ZFHX4: variants seen among roughly 807,000 people sequenced by gnomAD.
ZFHX4 encodes the protein zinc finger homeobox 4.
Under a neutral mutation model 267.6 loss-of-function variants are expected in ZFHX4, and 56 were observed. That is an observed-to-expected ratio of 0.21 (90% CI 0.17 to 0.26). The LOEUF (loss-of-function observed/expected upper bound fraction) is 0.26. Ranked by LOEUF, ZFHX4 falls within the 10% of genes least tolerant of loss-of-function variation. The probability of loss-of-function intolerance (pLI) is 1.00; values close to 1 mark genes in which losing one functional copy is unlikely to be tolerated. For synonymous variants in ZFHX4, 1,778 were observed against 1,665.6 expected, an observed-to-expected ratio of 1.07 and a Z score of -1.64; for missense variants, 4,332 against 4,420.0, an observed-to-expected ratio of 0.98 and a Z score of 0.56.
At position 76,855,314 on chromosome 8, in the gene ZFHX4, C is replaced by A. The variant is rs750054837; in HGVS notation, c.8393C>A (p.Thr2798Asn). The change falls in exon 10 of 11, where the codon ACC (threonine) becomes AAC (asparagine). Residue 2798 changes from threonine to asparagine, a missense_variant. Physicochemically the swap from Thr to Asn is moderately conservative, Grantham distance 65. Transcript: ENST00000651372. ...GAGGCTGGGTATGATCAAAATAAAA[C>A]CGATTTTGATGAGACTTCATCGATT... is the stretch of plus-strand genomic sequence containing the variant. The part of the protein sequence containing the change: ...PAEAGYDQNK[T>N]DFDETSSINT... 8 of 1,613,686 alleles carry A rather than the reference C, an allele frequency of 5.0e-6. No homozygotes were observed. The highest frequency in any genetic ancestry group is 5.9e-6 in the Non-Finnish European group (7 of 1,179,812).
chr8:76,864,510 CT>C lies in ZFHX4; in HGVS notation c.10798del (p.Ser3600LeufsTer3), dbSNP rs1315761422. ...DNSLEVKAKP[A>X]SGLDGNFNSI... ...TCTTTGGAAGTGAAGGCTAAGCCTGCTTCTGGCCTAGATGGTAATTTCAATA... is the reference window on the plus strand; with the variant it reads ...TCTTTGGAAGTGAAGGCTAAGCCTGCTCTGGCCTAGATGGTAATTTCAATA... On this transcript the variant is annotated frameshift_variant, in exon 11 of 11. Transcript: ENST00000651372. LOFTEE classifies it high-confidence loss of function. 1 of 1,612,626 alleles carries C rather than the reference CT, an allele frequency of 6.2e-7. No individual in the cohort carries two copies. Among genetic ancestry groups the C allele is most frequent in the African/African-American group, 1.3e-5 (1 of 74,950 alleles).
rs142176871 is a variant in ZFHX4, at chr8:76,753,910, G to A, written c.3094-24298G>A. On this transcript the variant is annotated intron_variant, in intron 3 of 10. Transcript: ENST00000651372. ...CCCAAAGTTTTGGGATCACCGGCAT[G>A]AGCCACTGCATCCAGCCAACATTTT... 1.1e-3 allele frequency among the ~76,000 whole-genome samples: 172 copies of A among 151,056 alleles called. 3 individuals carry two copies. In the East Asian group the frequency reaches 0.023, roughly 20 times the overall value.
At chr8:76,719,474 A>G (rs544196919) in intron 3 of ZFHX4, among the ~76,000 whole-genome samples, 114 of 152,220 alleles carry the variant, frequency 7.5e-4, no homozygotes, top group Non-Finnish European at 1.4e-3. Flanking sequence ...AGTTTCTCCA[A>G]AAAGCAAATG....
At chr8:76,839,412 A>G (rs577693253) in intron 5 of ZFHX4, among the ~76,000 whole-genome samples, 1 of 152,140 alleles carries the variant, frequency 6.6e-6, no homozygotes, top group Non-Finnish European at 1.5e-5. Flanking sequence ...AAACATGTAA[A>G]AATGAATATG....
At chr8:76,821,170 C>T (rs546985496) in intron 4 of ZFHX4, among the ~76,000 whole-genome samples, 2 of 152,254 alleles carry the variant, frequency 1.3e-5, no homozygotes, top group East Asian at 3.9e-4. Context: ...TCACTCTCTT[C>T]TGCATTATTA....
chr8:76,786,323 T>C (rs1233607524), intron 4 of ZFHX4, among the ~76,000 whole-genome samples: 3 of 151,432 alleles, frequency 2.0e-5, no homozygotes, highest in Non-Finnish European at 4.4e-5. Flanking sequence ...TAGCTATCAG[T>C]TCTCATCTGG....
At chr8:76,719,586 A>G (rs1808666498) in intron 3 of ZFHX4, among the ~76,000 whole-genome samples, 1 of 152,054 alleles carries the variant, frequency 6.6e-6, no homozygotes, top group Non-Finnish European at 1.5e-5. Flanking sequence ...AGGCTTTAGT[A>G]CTAAGTATTT....
intron 4 of ZFHX4, among the ~76,000 whole-genome samples, chr8:76,820,909 A>G (rs1811632028): frequency 6.6e-6 from 1 of 152,200 alleles, no homozygotes; most frequent in Non-Finnish European, 1.5e-5. Flanking sequence ...ATTATATGCT[A>G]AAACCAGATG....
At chr8:76,784,540 T>C (rs565075404) in intron 4 of ZFHX4, among the ~76,000 whole-genome samples, 2 of 152,096 alleles carry the variant, frequency 1.3e-5, no homozygotes, top group South Asian at 4.1e-4. Context: ...ATTTTCTTTT[T>C]CTCCTCACAC....
intron 3 of ZFHX4, among the ~76,000 whole-genome samples, chr8:76,770,919 T>C (rs1427671640): frequency 2.6e-5 from 4 of 152,064 alleles, no homozygotes; most frequent in African/African-American, 4.8e-5. Flanking sequence ...AAAGTTAGAA[T>C]TGGGTTGAAG....
chr8:76,734,382 A>G (rs904022866), intron 3 of ZFHX4, among the ~76,000 whole-genome samples: 4 of 152,170 alleles, frequency 2.6e-5, no homozygotes, highest in African/African-American at 9.6e-5. Context: ...CATTAAAAGT[A>G]ATTCCCACAC....
intron 4 of ZFHX4, among the ~76,000 whole-genome samples, chr8:76,806,612 G>C (rs2054681): frequency 0.017 from 2,512 of 152,074 alleles, 27 homozygotes; most frequent in Middle Eastern, 0.031. Flanking sequence ...ATAATTGGAA[G>C]TTTATAACTT....
At position 76,704,954 on chromosome 8, in the gene ZFHX4, A is replaced by G. The variant is rs369925965; in HGVS notation, c.866A>G (p.Tyr289Cys). ...MCFLCKLSFG[Y>C]IRSFVTHAVH... The stretch of plus-strand genomic sequence containing the variant: ...TTCTTGTGCAAGTTGTCTTTTGGTT[A>G]TATCAGGTCATTTGTAACCCATGCT... The change falls in exon 2 of 11, where the codon TAT (tyrosine) becomes TGT (cysteine). Residue 289 changes from tyrosine (Y) to cysteine (C), a missense_variant. Tyr to Cys is a radical substitution (Grantham distance 194). Transcript: ENST00000651372. 1.1e-5 allele frequency: 17 copies of G among 1,613,910 alleles called. No individual in the cohort carries two copies. The highest frequency in any genetic ancestry group is 3.3e-5 in the Admixed American group (2 of 60,008).
At chr8:76,779,744 G>T (rs1563517845) in intron 4 of ZFHX4, among the ~76,000 whole-genome samples, 2 of 151,996 alleles carry the variant, frequency 1.3e-5, no homozygotes, top group African/African-American at 4.8e-5. Context: ...GTGGCGTAAG[G>T]GGGTCTGGCA....
At chr8:76,838,830 G>A (rs549053003) in intron 5 of ZFHX4, among the ~76,000 whole-genome samples, 21 of 152,128 alleles carry the variant, frequency 1.4e-4, no homozygotes, top group South Asian at 1.0e-3. Context: ...CTGAGTTGGC[G>A]GATCACTTGA....
At chr8:76,743,236 A>G (rs572538377) in intron 3 of ZFHX4, among the ~76,000 whole-genome samples, 1 of 152,274 alleles carries the variant, frequency 6.6e-6, no homozygotes, top group Admixed American at 6.5e-5. Flanking sequence ...TGTATCTCTT[A>G]TGAGGTTCTA....
chr8:76,788,408 A>G (rs528796666), intron 4 of ZFHX4, among the ~76,000 whole-genome samples: 53 of 152,332 alleles, frequency 3.5e-4, no homozygotes, highest in Non-Finnish European at 5.3e-4. Context: ...AGAACTTAGC[A>G]TTCAGTTACA....
At chr8:76,702,866 C>T (rs1680880494) in intron 1 of ZFHX4, among the ~76,000 whole-genome samples, 1 of 152,022 alleles carries the variant, frequency 6.6e-6, no homozygotes, top group Non-Finnish European at 1.5e-5. Flanking sequence ...TTGTTGTGTA[C>T]AGTGCCATCA....
At chr8:76,713,567 T>C (rs941249769) in intron 3 of ZFHX4, among the ~76,000 whole-genome samples, 2 of 152,162 alleles carry the variant, frequency 1.3e-5, no homozygotes, top group African/African-American at 4.8e-5. Flanking sequence ...CTCTTTTCTG[T>C]TTTCCTGAAA....
Sources: allele counts gnomAD v4.1 joint callset (sites outside exome capture counted in the v4.1 genomes callset), GRCh38; gene constraint gnomAD v4.1.1; transcripts MANE v1.5; gene names NCBI Gene and HGNC (gene_info 2026-07-23, HGNC 2026-07-21).